RHBG: variants seen among roughly 807,000 people sequenced by gnomAD.
The protein encoded by RHBG is Rh family B glycoprotein.
A neutral mutation model predicts 40.1 loss-of-function variants in RHBG; 39 were observed. That is an observed-to-expected ratio of 0.97 (90% CI 0.75 to 1.27). RHBG has a LOEUF of 1.27. RHBG is among the 50% of genes most tolerant of loss of function. The pLI is 0.00. For synonymous variants in RHBG, 237 were observed against 252.5 expected, an observed-to-expected ratio of 0.94 and a Z score of 0.58; for missense variants, 549 against 588.1, an observed-to-expected ratio of 0.93 and a Z score of 0.69.
At position 156,377,310 on chromosome 1, in the gene RHBG, A is replaced by G. The variant is rs972886958; in HGVS notation, c.197A>G (p.Asp66Gly). The part of the protein sequence containing the change: ...EFYFRYPSFQ[D>G]VHAMVFVGFG... ...TCCCTGCCCGCTGCAGGCTTCCAGG[A>G]CGTGCATGCCATGGTCTTCGTGGGC... is the stretch of plus-strand genomic sequence containing the variant. Residue 66 changes from aspartate (D) to glycine (G), a missense_variant, in exon 2 of 10, where the codon GAC becomes GGC. Asp to Gly is a moderately conservative substitution (Grantham distance 94). Around this residue, in one of 3 missense-constraint regions of RHBG, gnomAD observed 51 missense variants for 85.9 expected, o/e 0.59. Coordinates refer to ENST00000537040, the MANE Select transcript of RHBG (RefSeq NM_020407.5). This position sits in a 1 kb window ranked among gnomAD's most constrained non-coding sequence, Gnocchi z 4.6. The G allele has an allele frequency of 5.0e-6, 8 of 1,613,738 alleles. No individual in the cohort carries two copies. The African/African-American group carries it at 9.3e-5, about 19-fold the overall frequency.
chr1:156,369,439 G>A lies in RHBG; in HGVS notation c.187+3G>A. ...TGAATTTTACTTTCGCTACCCAAGT[G>A]AGTGCGGGGTGAGGGCGCGCGGGAA... On this transcript the variant is annotated splice_donor_region_variant and intron_variant, in intron 1 of 9. Coordinates refer to ENST00000537040, the MANE Select transcript of RHBG (RefSeq NM_020407.5). 6.2e-7 allele frequency: 1 copy of A among 1,607,548 alleles called. No individual in the cohort carries two copies. The highest frequency in any genetic ancestry group is 8.5e-7 in the Non-Finnish European group (1 of 1,176,224).
At chr1:156,381,261 A>C (rs1316700263) in intron 4 of RHBG, 86 bp from the exon 5 acceptor site, 3 of 1,337,608 alleles carry the variant, frequency 2.2e-6, no homozygotes, top group African/African-American at 2.9e-5. Flanking sequence ...TGCTGAGGGT[A>C]GGTGATTTGC....
At position 156,378,302 on chromosome 1, in the gene RHBG, C is replaced by A. The variant is rs185277732; in HGVS notation, c.576C>A (p.Phe192Leu). 2 of 1,613,956 alleles carry A rather than the reference C, an allele frequency of 1.2e-6. No homozygotes were observed. The highest frequency in any genetic ancestry group is 2.2e-5 in the East Asian group (1 of 44,870). The change falls in exon 4 of 10, where the codon TTC (phenylalanine) becomes TTA (leucine). Residue 192 changes from phenylalanine (F) to leucine (L), a missense_variant. By Grantham distance (22) the Phe-to-Leu change is conservative. This residue lies in a region of RHBG where 399 missense variants were observed against 417.0 expected (regional missense o/e 0.96). Transcript: ENST00000537040. ...CTATCCACACCTTTGGTGCCTACTT[C>A]GGGCTCGTCCTTTCGCGGGTTCTGT... Reference protein sequence around the residue: ...SMTIHTFGAYFGLVLSRVLYR... With the variant: ...SMTIHTFGAYLGLVLSRVLYR...
chr1:156,369,988 A>C (rs1666730564), intron 1 of RHBG, among the ~76,000 whole-genome samples: 1 of 152,110 alleles, frequency 6.6e-6, no homozygotes, highest in Non-Finnish European at 1.5e-5. Flanking sequence ...TTTCTTCCCT[A>C]GTCCCTCAAA....
At position 156,377,431 on chromosome 1, in the gene RHBG, G is replaced by A. The variant is rs1251809175; in HGVS notation, c.318G>A (p.Leu106=). 1.9e-6 allele frequency: 3 copies of A among 1,614,064 alleles called. No individual in the cohort carries two copies. The South Asian group carries it at 3.3e-5, about 18-fold the overall frequency. The part of the protein sequence containing the change: ...LAAFALQWST[L]VQGFLHSFHG... ...CCTTTGCCCTGCAGTGGTCCACACT[G>A]GTCCAGGGCTTTCTCCACTCCTTCC... is the stretch of plus-strand genomic sequence containing the variant. The change falls in exon 2 of 10, where the codon CTG becomes CTA. Residue 106 remains leucine (L), a synonymous_variant. Transcript: ENST00000537040. The surrounding 1 kb of genome is among the most constrained non-coding windows in gnomAD (Gnocchi z 4.6).
At chr1:156,369,548 C>T in intron 1 of RHBG, 112 bp downstream of exon 1, 1 of 1,171,372 alleles carries the variant, frequency 8.5e-7, no homozygotes, top group Non-Finnish European at 1.2e-6. Flanking sequence ...GCAGCCGTCT[C>T]GCTCTGAGGT....
chr1:156,380,725 CAAAAAAAAAAAAA>C (rs564713959), intron 4 of RHBG, among the ~76,000 whole-genome samples: 1 of 81,996 alleles, frequency 1.2e-5, no homozygotes, highest in African/African-American at 5.3e-5. Context: ...GACCTTGTCT[CAAAAAAAAAAAAA>C]AAAAAAAAAA....
chr1:156,374,138 C>G (rs144991710), intron 1 of RHBG, among the ~76,000 whole-genome samples: 5 of 152,268 alleles, frequency 3.3e-5, no homozygotes, highest in Admixed American at 2.0e-4. Flanking sequence ...CTGCATTAGA[C>G]TCTTATAGGA....
At chr1:156,381,597 C>T (rs139396821) in intron 5 of RHBG, 84 bp downstream of exon 5, 264 of 1,493,378 alleles carry the variant, frequency 1.8e-4, no homozygotes, top group Non-Finnish European at 2.2e-4. Context: ...AAAGATTCTC[C>T]CGGGGAACAG....
intron 4 of RHBG, among the ~76,000 whole-genome samples, chr1:156,380,758 T>A (rs924260208): frequency 6.6e-6 from 1 of 150,546 alleles, no homozygotes; most frequent in African/African-American, 2.4e-5. Flanking sequence ...AAATTCAACG[T>A]TACGTGGTTT....
chr1:156,381,054 C>T (rs963543866), intron 4 of RHBG, among the ~76,000 whole-genome samples: 11 of 152,138 alleles, frequency 7.2e-5, no homozygotes, highest in Non-Finnish European at 1.5e-4. Context: ...CATGTGCTAC[C>T]ATGCCCAGCT....
intron 4 of RHBG, among the ~76,000 whole-genome samples, chr1:156,380,082 C>T (rs2101793463): frequency 6.6e-6 from 1 of 151,876 alleles, no homozygotes; most frequent in East Asian, 1.9e-4. Flanking sequence ...CATGCAGTGG[C>T]CTTTGCCTTT....
intron 1 of RHBG, chr1:156,371,159 T>G: frequency 2.3e-6 from 1 of 433,352 alleles, no homozygotes; most frequent in Non-Finnish European, 4.5e-6. Context: ...TACCTTATTT[T>G]CTTTCTTTTT....
At position 156,384,553 on chromosome 1, in the gene RHBG, G is replaced by T; in HGVS notation, c.1261G>T (p.Asp421Tyr). Residue 421 changes from aspartate to tyrosine, a missense_variant, in exon 9 of 10, where the codon GAC becomes TAC. Asp to Tyr is a radical substitution (Grantham distance 160, BLOSUM62 -3). Coordinates refer to ENST00000537040, the MANE Select transcript of RHBG (RefSeq NM_020407.5). ...GGLLLKLPFL[D>Y]SPPDSQHYED... ...GCTCCTGCTGAAGCTACCCTTTCTGGACTCCCCCCCAGACTCCCAGCACTA... is the reference window on the plus strand; with the variant it reads ...GCTCCTGCTGAAGCTACCCTTTCTGTACTCCCCCCCAGACTCCCAGCACTA... 4.5e-6 allele frequency: 7 copies of T among 1,540,460 alleles called. No individual in the cohort carries two copies. Among genetic ancestry groups the T allele is most frequent in the Non-Finnish European group, 6.1e-6 (7 of 1,139,058 alleles).
chr1:156,382,679 A>C, intron 7 of RHBG, 69 bp from the exon 8 acceptor site: 1 of 1,582,078 alleles, frequency 6.3e-7, no homozygotes, highest in Non-Finnish European at 8.6e-7. Context: ...TGCCATGAGC[A>C]GCCCTGGCCC....
At position 156,373,470 on chromosome 1, in the gene RHBG, G is replaced by A. The variant is rs1666986633; in HGVS notation, c.188-3831G>A. Among the ~76,000 whole-genome samples, 3 of 150,634 alleles carry A rather than the reference G, an allele frequency of 2.0e-5. No individual in the cohort carries two copies. The South Asian group carries it at 6.3e-4, about 32-fold the overall frequency. ...GGATTTGGTGGGGGTGGGGTGGGGT[G>A]GGCATCAGACTCCATCCCACCCGCA... On this transcript the variant is annotated intron_variant, in intron 1 of 9. Transcript: ENST00000537040.
rs1269750644 is a variant in RHBG, at chr1:156,384,868, A to G, written c.*23A>G. ...TAACCCACTGCCAGCCCCTGAGAGG[A>G]CACGCTCCTTTTCGAAGATGCTGAC... On this transcript the variant is annotated 3_prime_UTR_variant, in exon 10 of 10. Coordinates refer to ENST00000537040, the MANE Select transcript of RHBG (RefSeq NM_020407.5). 6.7e-7 allele frequency: 1 copy of G among 1,502,190 alleles called. No homozygotes were observed. Among genetic ancestry groups the G allele is most frequent in the Non-Finnish European group, 9.2e-7 (1 of 1,085,722 alleles). 93.1% of individuals were successfully genotyped at this position (1,502,190 alleles called of 1,614,324 possible). A position where few individuals can be genotyped will look rare whatever the true frequency, so the allele number is the denominator to read the frequency against.
intron 7 of RHBG, chr1:156,382,526 C>T: frequency 1.5e-6 from 1 of 681,022 alleles, no homozygotes; most frequent in Non-Finnish European, 2.5e-6. Flanking sequence ...TAAAAGGTGC[C>T]TAGGTGTCTG....
chr1:156,373,084 G>A (rs1002418168), intron 1 of RHBG, among the ~76,000 whole-genome samples: 2 of 152,168 alleles, frequency 1.3e-5, no homozygotes, highest in Non-Finnish European at 2.9e-5. Flanking sequence ...AGGGAAGGAG[G>A]GAGAGTAACA....
Sources: gnomAD v4.1 joint callset for allele counts (sites outside exome capture counted in the v4.1 genomes callset) on GRCh38, gnomAD v4.1.1 for gene constraint, gnomAD v4.1.1 regional missense constraint, Gnocchi (gnomAD v3.1) non-coding constraint, MANE v1.5 for transcripts, NCBI Gene and HGNC (gene_info 2026-07-23, HGNC 2026-07-21) for gene names.